Variants in APP observed in about 807,000 individuals in gnomAD.
APP encodes amyloid beta precursor protein.
Under a neutral mutation model 101.4 loss-of-function variants are expected in APP, and 31 were observed. The observed-to-expected ratio is 0.31, with a 90% CI of 0.23 to 0.41. APP has a LOEUF of 0.41. APP is among the 10% of genes least tolerant of loss of function. The pLI is 1.00. For synonymous variants in APP, 366 were observed against 364.4 expected (o/e 1.00, Z -0.05); for missense variants, 839 against 1,003.7 (o/e 0.84, Z 2.22).
At chr21:25,906,998 T>G (rs919584178) in intron 14 of APP, among the ~76,000 whole-genome samples, 1 of 152,242 alleles carries the variant, frequency 6.6e-6, no homozygotes, top group African/African-American at 2.4e-5. Context: ...ACTTTCTCTG[T>G]GATCTGGGGC....
intron 9 of APP, 146 bp downstream of exon 9, chr21:25,982,198 T>A: frequency 1.1e-6 from 1 of 917,428 alleles, no homozygotes; most frequent in Non-Finnish European, 1.7e-6. Context: ...ACCCACAAAC[T>A]GTGCCCACAC....
At chr21:26,143,843 A>G (rs931470660) in intron 1 of APP, among the ~76,000 whole-genome samples, 2 of 152,190 alleles carry the variant, frequency 1.3e-5, no homozygotes, top group Admixed American at 6.5e-5. Flanking sequence ...GCTTAAGGCC[A>G]TAAGTACCAG....
chr21:25,999,994 C>T, intron 7 of APP, 21 bp downstream of exon 7: 5 of 1,613,396 alleles, frequency 3.1e-6, no homozygotes, highest in Non-Finnish European at 4.2e-6. Context: ...GGTGGCCAGG[C>T]TCGAAGAAGG....
intron 3 of APP, among the ~76,000 whole-genome samples, chr21:26,074,791 G>A (rs1394648082): frequency 1.3e-5 from 2 of 151,986 alleles, no homozygotes; most frequent in African/African-American, 4.8e-5. Flanking sequence ...AAAAACTAAG[G>A]ACAATGAAAC....
chr21:25,931,945 G>GA (rs1490171339), intron 13 of APP, among the ~76,000 whole-genome samples: 2 of 152,018 alleles, frequency 1.3e-5, no homozygotes, highest in Non-Finnish European at 2.9e-5. Context: ...CAGGCGCTTT[G>GA]AAAAAAACAT....
chr21:25,991,746 T>C (rs183611370), intron 8 of APP, among the ~76,000 whole-genome samples: 34 of 152,346 alleles, frequency 2.2e-4, no homozygotes, highest in Non-Finnish European at 4.1e-4. Flanking sequence ...TATTGTCTAT[T>C]GTTGCTTTCA....
At chr21:25,989,957 T>C (rs1345469500) in intron 8 of APP, among the ~76,000 whole-genome samples, 1 of 134,950 alleles carries the variant, frequency 7.4e-6, no homozygotes, top group Non-Finnish European at 1.6e-5. Flanking sequence ...TTTTCCTAAT[T>C]TCAAAAATAG....
chr21:26,169,207 T>C (rs1360420790), intron 1 of APP: 2 of 152,224 alleles, frequency 1.3e-5, no homozygotes, highest in Non-Finnish European at 2.9e-5. Flanking sequence ...TGGGGAAGAC[T>C]TGTTATACAC....
At position 26,000,006 on chromosome 21, in the gene APP, T is replaced by A. The variant is rs754403217; in HGVS notation, c.1033+9A>T. 6.2e-7 allele frequency: 1 copy of A among 1,613,640 alleles called. No homozygotes were observed. Among genetic ancestry groups the A allele is most frequent in the Non-Finnish European group, 8.5e-7 (1 of 1,179,846 alleles). ...AAAGGTGGCCAGGCTCGAAGAAGGG[T>A]CCACTTACTGGCGCTGCCACACACG... On this transcript the variant is annotated intron_variant, in intron 7 of 17. Coordinates refer to ENST00000346798, the MANE Select transcript of APP (RefSeq NM_000484.4).
At chr21:26,035,461 A>G (rs1370252279) in intron 5 of APP, among the ~76,000 whole-genome samples, 1 of 152,030 alleles carries the variant, frequency 6.6e-6, no homozygotes, top group Non-Finnish European at 1.5e-5. Context: ...GATACTGCGG[A>G]GGTAGGGAGG....
intron 16 of APP, among the ~76,000 whole-genome samples, chr21:25,894,469 TCAG>T (rs1485299490): frequency 6.6e-6 from 1 of 152,138 alleles, no homozygotes; most frequent in East Asian, 1.9e-4. Context: ...GATCAAAACA[TCAG>T]CAATAACGGG....
At chr21:25,903,089 C>T (rs1046942680) in intron 15 of APP, among the ~76,000 whole-genome samples, 75 of 330 alleles carry the variant, frequency 0.23, no homozygotes, top group Admixed American at 0.41. Context: ...AAGAATAGGC[C>T]GGGCATGGTG....
chr21:26,027,022 C>A lies in APP; in HGVS notation c.663-4980G>T, dbSNP rs574492569. Among the ~76,000 whole-genome samples the A allele has an allele frequency of 2.0e-5, 3 of 152,288 alleles. No individual in the cohort carries two copies. In the South Asian group the frequency reaches 6.2e-4, roughly 32 times the overall value. On this transcript the variant is annotated intron_variant, in intron 5 of 17. Transcript: ENST00000346798. The stretch of plus-strand genomic sequence containing the variant: ...TAAAACTGCTCTAAAACAATAAAGT[C>A]TATATTTATTCTTTCACAGTCTCTG...
At chr21:25,893,721 T>C (rs1355642259) in intron 16 of APP, among the ~76,000 whole-genome samples, 1 of 152,226 alleles carries the variant, frequency 6.6e-6, no homozygotes, top group Non-Finnish European at 1.5e-5. Context: ...AGAAGCCATC[T>C]CCATAACACA....
chr21:25,887,538 A>G, intron 17 of APP, among the ~76,000 whole-genome samples: 1 of 145,642 alleles, frequency 6.9e-6, no homozygotes, highest in African/African-American at 2.5e-5. Flanking sequence ...AAAAAAAAAA[A>G]AACAACAACT....
At chr21:26,027,467 A>T (rs1601254021) in intron 5 of APP, among the ~76,000 whole-genome samples, 1 of 152,226 alleles carries the variant, frequency 6.6e-6, no homozygotes. Flanking sequence ...ACTGCTACTA[A>T]ATTAGGAAAA....
At chr21:26,020,339 T>G (rs1213776237) in intron 6 of APP, among the ~76,000 whole-genome samples, 1 of 152,214 alleles carries the variant, frequency 6.6e-6, no homozygotes, top group East Asian at 1.9e-4. Context: ...GACGAAAATG[T>G]TCTAAGATTA....
intron 11 of APP, among the ~76,000 whole-genome samples, chr21:25,958,494 G>A (rs1236362360): frequency 2.6e-5 from 4 of 152,198 alleles, no homozygotes; most frequent in Non-Finnish European, 2.9e-5. Context: ...AGCCAGGATG[G>A]TCTCCATCTC....
chr21:26,151,593 T>C (rs891469341), intron 1 of APP, among the ~76,000 whole-genome samples: 9 of 152,152 alleles, frequency 5.9e-5, no homozygotes, highest in African/African-American at 2.2e-4. Context: ...TGAAAGACAA[T>C]TTTGTGGTTT....
Sources: allele counts gnomAD v4.1 joint callset (sites outside exome capture counted in the v4.1 genomes callset), GRCh38; gene constraint gnomAD v4.1.1; transcripts MANE v1.5; gene names NCBI Gene and HGNC (gene_info 2026-07-23, HGNC 2026-07-21).